Variants in LRGUK observed in about 807,000 individuals in gnomAD.
The protein encoded by LRGUK is leucine-rich repeat and guanylate kinase domain-containing protein.
Under a neutral mutation model 76.0 loss-of-function variants are expected in LRGUK, and 65 were observed. The ratio of observed to expected loss-of-function variants is 0.85; its 90% CI spans 0.70 to 1.05. The LOEUF (loss-of-function observed/expected upper bound fraction) is 1.05, where lower values mean the gene tolerates loss of function less well. Among genes scored for constraint, LRGUK ranks in the 50% least tolerant of loss-of-function variants. LRGUK has a pLI of 0.00. For missense variants in LRGUK, 758 were observed against 732.8 expected (o/e 1.03, Z -0.40); for synonymous variants, 268 against 265.6 (o/e 1.01, Z -0.09).
At chr7:134,200,966 C>T (rs142845324) in intron 14 of LRGUK, among the ~76,000 whole-genome samples, 1 of 152,122 alleles carries the variant, frequency 6.6e-6, no homozygotes, top group Non-Finnish European at 1.5e-5. Flanking sequence ...ACTGAGGTCC[C>T]AGTTTCCCTG....
At chr7:134,196,176 C>T (rs1049080910) in intron 12 of LRGUK, among the ~76,000 whole-genome samples, 1 of 152,170 alleles carries the variant, frequency 6.6e-6, no homozygotes, top group African/African-American at 2.4e-5. Flanking sequence ...AGATCATCCA[C>T]GTTTTTATTC....
chr7:134,169,488 A>T (rs1044903224), intron 7 of LRGUK, among the ~76,000 whole-genome samples: 1 of 152,182 alleles, frequency 6.6e-6, no homozygotes, highest in Non-Finnish European at 1.5e-5. Context: ...GGAATAGAGG[A>T]TGAGGTCTGA....
rs1307980955 is a variant in LRGUK at position 134,220,087 on chromosome 7, C to T, written c.1844-1692C>T. Among the ~76,000 whole-genome samples the T allele has an allele frequency of 1.8e-4, 28 of 152,304 alleles. 1 individual carries two copies. The highest frequency in any genetic ancestry group is 1.6e-3 in the Admixed American group (25 of 15,302). On this transcript the variant is annotated intron_variant, in intron 15 of 19. Transcript: ENST00000285928. ...CCAGCATCTAGAGCACCAGTCGGCACGTAGCAGGTGCTCAATAAATATGGG... is the reference window on the plus strand; with the variant it reads ...CCAGCATCTAGAGCACCAGTCGGCATGTAGCAGGTGCTCAATAAATATGGG...
chr7:134,127,602 G>A (rs1797062360), exon 1 of LRGUK: 6 of 1,614,090 alleles, frequency 3.7e-6, no homozygotes, highest in African/African-American at 1.3e-5. Context: ...CGGAGATGAG[G>A]ACCAGGGCGA....
At chr7:134,159,790 A>G (rs1020698985) in intron 6 of LRGUK, among the ~76,000 whole-genome samples, 15 of 152,186 alleles carry the variant, frequency 9.9e-5, no homozygotes, top group Admixed American at 9.8e-4. Flanking sequence ...CTCCGTCTCA[A>G]AAAAACAAAA....
intron 12 of LRGUK, among the ~76,000 whole-genome samples, chr7:134,195,109 G>A (rs757260370): frequency 6.6e-6 from 1 of 152,014 alleles, no homozygotes; most frequent in East Asian, 1.9e-4. Context: ...CCTGGGTAGG[G>A]GCCACAAGAT....
At chr7:134,271,835 A>C in the LRGUK span, among the ~76,000 whole-genome samples, 1 of 152,058 alleles carries the variant, frequency 6.6e-6, no homozygotes, top group Non-Finnish European at 1.5e-5. Context: ...GATGTTTTTA[A>C]AGGTTATATT....
At chr7:134,129,419 A>AT (rs1797196385) in intron 1 of LRGUK, among the ~76,000 whole-genome samples, 1 of 1,558 alleles carries the variant, frequency 6.4e-4, no homozygotes, top group Non-Finnish European at 1.1e-3. Context: ...TCCCCTCCCC[A>AT]CCCCTCCCTC....
chr7:134,127,636 C>T, exon 1 of LRGUK: 2 of 1,613,892 alleles, frequency 1.2e-6, no homozygotes, highest in Non-Finnish European at 1.7e-6. Flanking sequence ...TCCGAGGAGT[C>T]CTCAGAGTCC....
rs1222325797 is a variant in LRGUK at position 134,133,826 on chromosome 7, G to A, written c.298-3197G>A. Among the ~76,000 whole-genome samples, 5 of 152,102 alleles carry A rather than the reference G, an allele frequency of 3.3e-5. No individual in the cohort carries two copies. The East Asian group carries it at 9.7e-4, about 29-fold the overall frequency. On this transcript the variant is annotated intron_variant, in intron 1 of 15. Coordinates refer to ENST00000645682, the Ensembl canonical transcript of LRGUK. ...TGTAGTCCCAGCACTTTGGGAGGCG[G>A]AAGTGGGCGGATCACTTGAGCCCAG...
At chr7:134,238,508 T>C (rs1802064165) in intron 16 of LRGUK, among the ~76,000 whole-genome samples, 1 of 152,128 alleles carries the variant, frequency 6.6e-6, no homozygotes, top group Non-Finnish European at 1.5e-5. Flanking sequence ...GTTTATTCAC[T>C]CTTGTATTTC....
rs775645710 is a variant in LRGUK at position 134,127,674 on chromosome 7, C to T, written c.297+10C>T. On this transcript the variant is annotated intron_variant, in intron 1 of 15. Coordinates refer to ENST00000645682, the Ensembl canonical transcript of LRGUK. ...AATGCTGAATTTGGAGGTGTGTCTT[C>T]CCCCCCACCCCGTACTCCCTGGCTC... 4.4e-6 allele frequency: 7 copies of T among 1,601,688 alleles called. No homozygotes were observed. Among genetic ancestry groups the T allele is most frequent in the African/African-American group, 4.0e-5 (3 of 74,342 alleles).
At chr7:134,230,151 G>A (rs548757939) in intron 16 of LRGUK, among the ~76,000 whole-genome samples, 6 of 152,028 alleles carry the variant, frequency 3.9e-5, no homozygotes, top group East Asian at 3.9e-4. Flanking sequence ...AAGTGTATCC[G>A]AAATATATAA....
intron 14 of LRGUK, among the ~76,000 whole-genome samples, chr7:134,201,027 G>C (rs435423): frequency 0.97 from 148,258 of 152,234 alleles, 72,289 homozygotes; most frequent in Middle Eastern, 1. Context: ...GCTCTCAGGT[G>C]TCATCCACGT....
At chr7:134,265,574 T>A (rs1380389268), downstream of LRGUK, among the ~76,000 whole-genome samples, 1 of 152,182 alleles carries the variant, frequency 6.6e-6, no homozygotes, top group Non-Finnish European at 1.5e-5. Context: ...TAGAAAACTT[T>A]TAGACAATAG....
At chr7:134,248,821 T>C (rs1330310772) in intron 17 of LRGUK, 130 bp from the exon 18 acceptor site, 3 of 607,072 alleles carry the variant, frequency 4.9e-6, no homozygotes, top group African/African-American at 1.9e-5. Context: ...TGAGTGGATA[T>C]ATTACATTAT....
intron 16 of LRGUK, among the ~76,000 whole-genome samples, chr7:134,229,318 G>A (rs556163463): frequency 3.3e-5 from 5 of 151,714 alleles, no homozygotes; most frequent in African/African-American, 1.2e-4. Context: ...AGCTGAGATC[G>A]CGCCACTGCG....
rs1349047023 is a variant in LRGUK at position 134,231,504 on chromosome 7, GTTCCTTCCTTCCTCCCTTCC to G, written c.1983+9596_1983+9615del. On this transcript the variant is annotated intron_variant, in intron 16 of 19. Coordinates refer to the LRGUK transcript ENST00000285928. ...CCTCCCTCCATTCCTTCCTTCCTTC[GTTCCTTCCTTCCTCCCTTCC>G]TTCCTTCCTCCCTTCCTCCCTCCGT... 1.3e-4 allele frequency among the ~76,000 whole-genome samples: 13 copies of G among 98,298 alleles called. No individual in the cohort carries two copies. The East Asian group carries it at 3.5e-3, about 26-fold the overall frequency. 64.5% of individuals were successfully genotyped at this position (98,298 alleles called of 152,430 possible). A position where few individuals can be genotyped will look rare whatever the true frequency, so the allele number is the denominator to read the frequency against.
At chr7:134,152,331 A>G (rs1403011656) in intron 5 of LRGUK, among the ~76,000 whole-genome samples, 2 of 152,062 alleles carry the variant, frequency 1.3e-5, no homozygotes, top group East Asian at 3.9e-4. Flanking sequence ...ACTTGTGGGG[A>G]TAGGGGGACT....
Sources: allele counts gnomAD v4.1 joint callset (sites outside exome capture counted in the v4.1 genomes callset), GRCh38; gene constraint gnomAD v4.1.1; transcripts MANE v1.5; gene names NCBI Gene and HGNC (gene_info 2026-07-23, HGNC 2026-07-21).